KIAA1210: variants seen among roughly 807,000 people sequenced by gnomAD.
KIAA1210 encodes acrosomal protein KIAA1210.
In KIAA1210, 48 loss-of-function variants were observed where a neutral mutation model predicts 78.9. The observed-to-expected ratio is 0.61, with a 90% CI of 0.48 to 0.77. KIAA1210 has a LOEUF of 0.77. Among genes scored for constraint, KIAA1210 ranks in the 30% least tolerant of loss-of-function variants. The pLI is 0.00. For synonymous variants in KIAA1210, 406 were observed against 404.5 expected (o/e 1.00, Z -0.04); for missense variants, 1,108 against 1,100.0 (o/e 1.01, Z -0.10).
intron 2 of KIAA1210, among the ~76,000 whole-genome samples, chrX:119,140,401 C>T (rs5910517): frequency 0.029 from 3,186 of 108,920 alleles, 55 homozygotes; most frequent in Middle Eastern, 0.052. Context: ...TGGTGGCATG[C>T]GGCTGTAATC....
chrX:119,100,256 G>T (rs1214689234), intron 6 of KIAA1210, among the ~76,000 whole-genome samples: 1 of 106,835 alleles, frequency 9.4e-6, no homozygotes, highest in East Asian at 2.9e-4. Context: ...CTTGAACCCG[G>T]GAGGTGGAGG....
In KIAA1210 at chrX:119,089,653, C is replaced by T; in HGVS notation, c.1049G>A (p.Gly350Asp). The T allele has an allele frequency of 8.3e-7, 1 of 1,211,320 alleles. No individual in the cohort carries two copies. The highest frequency in any genetic ancestry group is 1.1e-6 in the Non-Finnish European group (1 of 895,124). ...TCCATATGCTGCTGACATTGGATAG[C>T]CCTGACTCCGAGAAGCATCAGTGTT... The part of the protein sequence containing the change: ...APNTDASRSQ[G>D]YPMSAAYGRR... Residue 350 changes from glycine to aspartate, a missense_variant, in exon 9 of 12, where the codon GGC (glycine) becomes GAC (aspartate). Coordinates refer to ENST00000691062, the MANE Select transcript of KIAA1210 (RefSeq NM_001394962.1).
chrX:119,109,543 A>T (rs935128867), intron 3 of KIAA1210, among the ~76,000 whole-genome samples: 3 of 112,232 alleles, frequency 2.7e-5, no homozygotes, highest in South Asian at 3.7e-4. Flanking sequence ...TAATTTTTAC[A>T]TTATGAGCAT....
chrX:119,112,844 A>G (rs1928124806), intron 3 of KIAA1210, among the ~76,000 whole-genome samples: 1 of 111,889 alleles, frequency 8.9e-6, no homozygotes, highest in African/African-American at 3.2e-5. Context: ...ACTCCTAGGT[A>G]TATATCCCAG....
Position 119,123,591 on chromosome X carries a change from C to T in KIAA1210, c.52G>A (p.Gly18Ser), listed in dbSNP as rs181440768. 102 of 1,193,581 alleles carry T rather than the reference C, an allele frequency of 8.5e-5. No homozygotes were observed. The African/African-American group carries it at 8.8e-4, about 10-fold the overall frequency. Residue 18 changes from glycine (G) to serine (S), a missense_variant, in exon 2 of 12, where the codon GGT becomes AGT. By Grantham distance (56) the Gly-to-Ser change is moderately conservative. Transcript: ENST00000691062. The stretch of plus-strand genomic sequence containing the variant: ...TTATTGGGTTACTTACCCTCATCAC[C>T]GGCCTCCAGAACATCCAGACTGTCA... ...ISDSLDVLEA[G>S]DEGKKKCKFK... is the part of the protein sequence containing the mutation.
intron 2 of KIAA1210, 75 bp from the exon 3 acceptor site, chrX:119,116,739 G>A (rs748297411): frequency 2.1e-6 from 2 of 950,616 alleles, no homozygotes; most frequent in African/African-American, 3.9e-5. Flanking sequence ...GAGCCTTCAT[G>A]AGAGGAAAGA....
At position 119,088,234 on chromosome X, in the gene KIAA1210, A is replaced by G. The variant is rs1297944340; in HGVS notation, c.2468T>C (p.Met823Thr). 6 of 1,211,665 alleles carry G rather than the reference A, an allele frequency of 5.0e-6. No homozygotes were observed. Among genetic ancestry groups the G allele is most frequent in the South Asian group, 1.8e-5 (1 of 56,941 alleles). Reference protein sequence around the residue: ...PLMNPKVQQNMFSGSEDIAVE... With the variant: ...PLMNPKVQQNTFSGSEDIAVE... The stretch of plus-strand genomic sequence containing the variant: ...AGCAATGTCCTCTGAACCTGAGAAC[A>G]TGTTTTGTTGAACTTTAGGATTCAT... The change falls in exon 9 of 12, where the codon ATG (methionine) becomes ACG (threonine). Residue 823 changes from methionine to threonine, a missense_variant. Coordinates refer to ENST00000691062, the MANE Select transcript of KIAA1210 (RefSeq NM_001394962.1).
In KIAA1210 at chrX:119,087,906, A is replaced by G; in HGVS notation, c.2796T>C (p.Thr932=). ...GCTCCTTAGAAATGTCCTCTTCAAC[A>G]GTAGTGCTTTCTGGATGTGCAGAGA... ...YQLSAHPEST[T]VEEDISKEQL... Residue 932 remains threonine, a synonymous_variant, in exon 9 of 12, where the codon ACT becomes ACC. Transcript: ENST00000691062. 4.1e-6 allele frequency: 5 copies of G among 1,211,934 alleles called. No homozygotes were observed. Among genetic ancestry groups the G allele is most frequent in the Non-Finnish European group, 5.6e-6 (5 of 895,493 alleles).
At chrX:119,144,059 G>A (rs1929110257) in intron 2 of KIAA1210, among the ~76,000 whole-genome samples, 1 of 112,430 alleles carries the variant, frequency 8.9e-6, no homozygotes, top group South Asian at 3.7e-4. Flanking sequence ...GGGAAGTATG[G>A]CCTTTGATGG....
rs1341500916 is a variant in KIAA1210 at position 119,078,721 on chromosome X, G to T, written c.*2608C>A. 2 of 112,723 alleles carry T rather than the reference G, an allele frequency of 1.8e-5. No individual in the cohort carries two copies. Among genetic ancestry groups the T allele is most frequent in the Non-Finnish European group, 3.7e-5 (2 of 53,346 alleles). 9.3% of individuals were successfully genotyped at this position (112,723 alleles called of 1,213,427 possible). On this transcript the variant is annotated 3_prime_UTR_variant, in exon 12 of 12. Coordinates refer to ENST00000691062, the MANE Select transcript of KIAA1210 (RefSeq NM_001394962.1). ...AAAAGTTGTCAGAATATGCCTTTAG[G>T]CATTTAAAAAGAACTTAATCTCTTC...
At chrX:119,122,598 A>G (rs184176557) in intron 2 of KIAA1210, among the ~76,000 whole-genome samples, 1 of 112,561 alleles carries the variant, frequency 8.9e-6, no homozygotes, top group Non-Finnish European at 1.9e-5. Context: ...GTTCATATCC[A>G]AAAAGTCAAT....
chrX:119,080,673 A>G lies in KIAA1210; in HGVS notation c.*656T>C, dbSNP rs1926919338. ...TTCTCCCTTCTAAAGCACATTGTCCAAAGTTAAAGATTTTGCAATTTTACA... is the reference window on the plus strand; with the variant it reads ...TTCTCCCTTCTAAAGCACATTGTCCGAAGTTAAAGATTTTGCAATTTTACA... On this transcript the variant is annotated 3_prime_UTR_variant, in exon 12 of 12. Transcript: ENST00000691062. 8.9e-6 allele frequency: 1 copy of G among 112,317 alleles called. No individual in the cohort carries two copies. Among genetic ancestry groups the G allele is most frequent in the African/African-American group, 3.2e-5 (1 of 30,922 alleles). 9.3% of individuals were successfully genotyped at this position (112,317 alleles called of 1,213,427 possible).
rs771385213 is a variant in KIAA1210 at position 119,086,772 on chromosome X, C to G, written c.3930G>C (p.Ser1310=). The change falls in exon 9 of 12, where the codon TCG becomes TCC. Residue 1310 remains serine (S), a synonymous_variant. Transcript: ENST00000691062. ...CTTGTTTCTCACTCTTATACTTCTG[C>G]GAGGGAGGGGCTCTTTTCAGTCGAA... is the stretch of plus-strand genomic sequence containing the variant. The part of the protein sequence containing the change: ...FGVRLKRAPP[S]QKYKSEKQDN... 2 of 1,210,432 alleles carry G rather than the reference C, an allele frequency of 1.7e-6. No individual in the cohort carries two copies. The highest frequency in any genetic ancestry group is 3.5e-5 in the African/African-American group (2 of 57,617).
At chrX:119,092,567 C>T (rs749223576) in intron 8 of KIAA1210, among the ~76,000 whole-genome samples, 2 of 110,656 alleles carry the variant, frequency 1.8e-5, no homozygotes, top group Admixed American at 1.9e-4. Flanking sequence ...TGAGATCATC[C>T]TGGCTAACAC....
At chrX:119,108,736 C>T (rs1348525861) in intron 4 of KIAA1210, among the ~76,000 whole-genome samples, 5 of 108,642 alleles carry the variant, frequency 4.6e-5, no homozygotes, top group African/African-American at 6.8e-5. Flanking sequence ...GCGTTACAGG[C>T]CTGTAGTGCC....
chrX:119,090,335 G>A (rs1006523550), intron 8 of KIAA1210, among the ~76,000 whole-genome samples: 8 of 111,163 alleles, frequency 7.2e-5, no homozygotes, highest in East Asian at 2.8e-4. Flanking sequence ...GCAGTGGCGC[G>A]ATCTCGGCTC....
chrX:119,133,647 T>C (rs183490680), intron 2 of KIAA1210, among the ~76,000 whole-genome samples: 43 of 108,001 alleles, frequency 4.0e-4, no homozygotes, highest in African/African-American at 1.5e-3. Flanking sequence ...AGGAGAACAA[T>C]CTTTTTTTCT....
chrX:119,091,847 C>G (rs1747360484), intron 8 of KIAA1210, among the ~76,000 whole-genome samples: 1 of 111,911 alleles, frequency 8.9e-6, no homozygotes, highest in South Asian at 3.8e-4. Context: ...AATCGAAAAC[C>G]AAATACCACA....
chrX:119,088,919 A>G lies in KIAA1210; in HGVS notation c.1783T>C (p.Ser595Pro), dbSNP rs766632220. The stretch of plus-strand genomic sequence containing the variant: ...ACTTCTTCAGCATCAGGCTTCCTTG[A>G]GGACTGAAAAAGGCTTCTGGGAGGC... ...TLPPRSLFQS[S>P]RKPDAEEVSS... The change falls in exon 9 of 12, where the codon TCA becomes CCA. Residue 595 changes from serine to proline, a missense_variant. Physicochemically the swap from Ser to Pro is moderately conservative, Grantham distance 74. This residue lies in a region of KIAA1210 where 672 missense variants were observed against 607.1 expected (regional missense o/e 1.11). Transcript: ENST00000691062. The G allele has an allele frequency of 8.3e-7, 1 of 1,211,440 alleles. No individual in the cohort carries two copies. The highest frequency in any genetic ancestry group is 1.1e-6 in the Non-Finnish European group (1 of 895,226).
Sources: allele counts gnomAD v4.1 joint callset (sites outside exome capture counted in the v4.1 genomes callset), GRCh38; gene constraint gnomAD v4.1.1; regional missense constraint gnomAD v4.1.1; transcripts MANE v1.5; gene names NCBI Gene and HGNC (gene_info 2026-07-23, HGNC 2026-07-21).